Variants in ZMYND8 observed in about 807,000 individuals in gnomAD.
ZMYND8 encodes zinc finger MYND-type containing 8.
Under a neutral mutation model 140.8 loss-of-function variants are expected in ZMYND8, and 37 were observed. That is an observed-to-expected ratio of 0.26 (90% confidence interval 0.20 to 0.35). The LOEUF is 0.35. Among genes scored for constraint, ZMYND8 ranks in the 10% least tolerant of loss-of-function variants. The pLI is 1.00. For synonymous variants in ZMYND8, 592 were observed against 597.1 expected (o/e 0.99, Z 0.12); for missense variants, 1,068 against 1,570.0 (o/e 0.68, Z 5.40).
intron 7 of ZMYND8, among the ~76,000 whole-genome samples, chr20:47,289,374 GA>G (rs1405081887): frequency 6.6e-6 from 1 of 152,118 alleles, no homozygotes; most frequent in Non-Finnish European, 1.5e-5. Context: ...TAAAATGATA[GA>G]ACCACTTTGC....
At chr20:47,271,939 T>C (rs749610369) in intron 11 of ZMYND8, among the ~76,000 whole-genome samples, 1 of 151,206 alleles carries the variant, frequency 6.6e-6, no homozygotes, top group East Asian at 2.0e-4. Context: ...CACCTCGGCC[T>C]CCCAAAGTGC....
intron 2 of ZMYND8, chr20:47,320,582 G>C (rs1469315901): frequency 6.6e-6 from 1 of 152,260 alleles, no homozygotes; most frequent in Admixed American, 6.5e-5. Flanking sequence ...AGCCGGGTGT[G>C]GTGGCACACA....
In ZMYND8 at chr20:47,341,637, G is replaced by C. The variant is rs371759746; in HGVS notation, c.85+6219C>G. ...TACAATCCCAGCACTTTGGGAGGCC[G>C]AGGTGGGAGGATCACAAGGTCAGAA... is the stretch of plus-strand genomic sequence containing the variant. On this transcript the variant is annotated intron_variant, in intron 2 of 22. Coordinates refer to ENST00000471951, the MANE Select transcript of ZMYND8 (RefSeq NM_001281775.3). 2.0e-5 allele frequency among the ~76,000 whole-genome samples: 3 copies of C among 152,082 alleles called. No homozygotes were observed. In the South Asian group the frequency reaches 6.2e-4, roughly 32 times the overall value.
At chr20:47,340,459 C>T (rs1273807841) in intron 2 of ZMYND8, among the ~76,000 whole-genome samples, 1 of 151,572 alleles carries the variant, frequency 6.6e-6, no homozygotes, top group Non-Finnish European at 1.5e-5. Flanking sequence ...CACTGCACTA[C>T]ACTGCAGCCT....
chr20:47,328,873 A>G (rs938076007), intron 2 of ZMYND8, among the ~76,000 whole-genome samples: 2 of 152,246 alleles, frequency 1.3e-5, no homozygotes, highest in Non-Finnish European at 2.9e-5. Context: ...TTGGTCTATC[A>G]GTCTAGAAGA....
At position 47,347,809 on chromosome 20, in the gene ZMYND8, A is replaced by G. The variant is rs199954734; in HGVS notation, c.85+47T>C. On this transcript the variant is annotated intron_variant, in intron 2 of 22. Coordinates refer to ENST00000471951, the MANE Select transcript of ZMYND8 (RefSeq NM_001281775.3). ...CACTACAACAACAAAAAGAAATTCC[A>G]ATTTCCTCCTTAGCTCTAGAATAGA... The G allele has an allele frequency of 2.8e-4, 451 of 1,596,028 alleles. 3 individuals carry two copies. The African/African-American group carries it at 4.9e-3, about 17-fold the overall frequency.
chr20:47,276,434 T>G lies in ZMYND8; in HGVS notation c.1360A>C (p.Met454Leu). 6.2e-7 allele frequency: 1 copy of G among 1,614,050 alleles called. No homozygotes were observed. Among genetic ancestry groups the G allele is most frequent in the Non-Finnish European group, 8.5e-7 (1 of 1,179,976 alleles). The change falls in exon 11 of 23, where the codon ATG (methionine) becomes CTG (leucine). Residue 454 changes from methionine to leucine, a missense_variant. Physicochemically the swap from Met to Leu is conservative, Grantham distance 15. Transcript: ENST00000471951. The part of the protein sequence containing the change: ...ISLSDMPRSP[M>L]STNSSVHTGS... ...GTGTGCACAGAAGAGTTTGTGCTCA[T>G]GGGGGAGCGCGGCATATCCGACAAG...
rs749679012 is a variant in ZMYND8, at chr20:47,255,693, A to G, written c.1622-6254T>C. 2.7e-3 allele frequency among the ~76,000 whole-genome samples: 344 copies of G among 125,654 alleles called. 4 individuals are homozygous for G. The highest frequency in any genetic ancestry group is 6.2e-3 in the African/African-American group (203 of 32,574). The allele number at this position is 125,654 out of a possible 152,430, so 82.4% of individuals were successfully genotyped here. A position where few individuals can be genotyped will look rare whatever the true frequency, so the allele number is the denominator to read the frequency against. ...ATATGGTGTATGTGTGTGTGTGTAT[A>G]TATATATATATATATACCGTGTATG... On this transcript the variant is annotated intron_variant, in intron 12 of 22. Transcript: ENST00000471951.
In ZMYND8 at chr20:47,265,814, T is replaced by C. The variant is rs75013846; in HGVS notation, c.1481-3386A>G. ...TAACTAGAACAGGCCTTTAATTTGATAGATCTATTTCCTTTGTTAATAAAT... is the reference window on the plus strand; with the variant it reads ...TAACTAGAACAGGCCTTTAATTTGACAGATCTATTTCCTTTGTTAATAAAT... On this transcript the variant is annotated intron_variant, in intron 11 of 22. Transcript: ENST00000471951. Among the ~76,000 whole-genome samples the C allele has an allele frequency of 1.6e-3, 247 of 152,372 alleles. 1 individual carries two copies. Among genetic ancestry groups the C allele is most frequent in the African/African-American group, 5.7e-3 (238 of 41,588 alleles).
At chr20:47,289,870 T>C (rs563048733) in intron 7 of ZMYND8, among the ~76,000 whole-genome samples, 1 of 152,364 alleles carries the variant, frequency 6.6e-6, no homozygotes, top group African/African-American at 2.4e-5. Context: ...CTGGATCTTG[T>C]GGTTACACAT....
At chr20:47,313,133 G>C (rs1024341210) in intron 2 of ZMYND8, among the ~76,000 whole-genome samples, 1 of 151,828 alleles carries the variant, frequency 6.6e-6, no homozygotes, top group Admixed American at 6.6e-5. Flanking sequence ...GAGAGGCCGA[G>C]GGGGAAGGAT....
At position 47,210,909 on chromosome 20, in the gene ZMYND8, A is replaced by T; in HGVS notation, c.3569-12T>A. ...ACTCCGGGAATGGTCTGAGGGGGAA[A>T]ACCAATGTGTTTAGCGTGCCTGCCC... is the stretch of plus-strand genomic sequence containing the variant. On this transcript the variant is annotated splice_polypyrimidine_tract_variant and intron_variant, in intron 22 of 22. Coordinates refer to ENST00000471951, the MANE Select transcript of ZMYND8 (RefSeq NM_001281775.3). 17 of 1,612,688 alleles carry T rather than the reference A, an allele frequency of 1.1e-5. No homozygotes were observed. The highest frequency in any genetic ancestry group is 1.4e-5 in the Non-Finnish European group (17 of 1,178,866).
intron 2 of ZMYND8, among the ~76,000 whole-genome samples, chr20:47,315,002 C>A (rs764925125): frequency 6.6e-6 from 1 of 152,188 alleles, no homozygotes; most frequent in African/African-American, 2.4e-5. Context: ...GGAGTCATAG[C>A]TTCCTTCACC....
rs1219651864 is a variant in ZMYND8 at position 47,209,841 on chromosome 20, C to T, written c.*920G>A. 1 of 152,618 alleles carries T rather than the reference C, an allele frequency of 6.6e-6. No homozygotes were observed. Among genetic ancestry groups the T allele is most frequent in the Admixed American group, 6.5e-5 (1 of 15,268 alleles). 9.5% of individuals were successfully genotyped at this position (152,618 alleles called of 1,614,324 possible). A position where few individuals can be genotyped will look rare whatever the true frequency, so the allele number is the denominator to read the frequency against. Reference sequence around the variant, plus strand: ...ATAAATAATACGTACATGCTTCATCCCAGACTCAAACGTCCTCTGCGTGCA... The same window carrying T: ...ATAAATAATACGTACATGCTTCATCTCAGACTCAAACGTCCTCTGCGTGCA... On this transcript the variant is annotated 3_prime_UTR_variant, in exon 23 of 23. Coordinates refer to ENST00000471951, the MANE Select transcript of ZMYND8 (RefSeq NM_001281775.3).
At chr20:47,217,633 C>T (rs1483054422) in intron 21 of ZMYND8, among the ~76,000 whole-genome samples, 1 of 150,364 alleles carries the variant, frequency 6.7e-6, no homozygotes, top group South Asian at 2.1e-4. Context: ...GAAGTCTTGG[C>T]TCTCATAATT....
chr20:47,228,177 G>A (rs2037968750), intron 17 of ZMYND8, among the ~76,000 whole-genome samples: 1 of 152,002 alleles, frequency 6.6e-6, no homozygotes, highest in African/African-American at 2.4e-5. Flanking sequence ...GCAATTTCGA[G>A]TACTCTCCCC....
chr20:47,273,052 C>T (rs1173468603), intron 11 of ZMYND8, among the ~76,000 whole-genome samples: 1 of 152,136 alleles, frequency 6.6e-6, no homozygotes, highest in Non-Finnish European at 1.5e-5. Context: ...ACTTTCACAC[C>T]TCCCTTACAC....
intron 10 of ZMYND8, among the ~76,000 whole-genome samples, chr20:47,279,134 T>C (rs1437616744): frequency 6.6e-6 from 1 of 152,016 alleles, no homozygotes; most frequent in Admixed American, 6.6e-5. Flanking sequence ...CTATTTTCCA[T>C]GAAATTGCTT....
chr20:47,237,328 T>C (rs2039372275), intron 15 of ZMYND8: 1 of 151,824 alleles, frequency 6.6e-6, no homozygotes, highest in Admixed American at 6.6e-5. Flanking sequence ...TTTTTTTTTT[T>C]TTCCATTTTA....
Sources: allele counts gnomAD v4.1 joint callset (sites outside exome capture counted in the v4.1 genomes callset), GRCh38; gene constraint gnomAD v4.1.1; transcripts MANE v1.5; gene names NCBI Gene and HGNC (gene_info 2026-07-23, HGNC 2026-07-21).